Variants in NRG3 observed in about 807,000 individuals in gnomAD.
NRG3 encodes neuregulin 3.
A neutral mutation model predicts 66.9 loss-of-function variants in NRG3; 31 were observed. The observed-to-expected ratio is 0.46, with a 90% CI of 0.35 to 0.63. NRG3 has a LOEUF of 0.63. Ranked by LOEUF, NRG3 falls within the 20% of genes least tolerant of loss-of-function variation. The pLI is 0.00. For missense variants in NRG3, 910 were observed against 878.9 expected (o/e 1.04, Z -0.45); for synonymous variants, 393 against 359.4 (o/e 1.09, Z -1.06).
intron 2 of NRG3, among the ~76,000 whole-genome samples, chr10:82,616,251 AT>A (rs942152877): frequency 2.0e-5 from 3 of 152,036 alleles, no homozygotes; most frequent in African/African-American, 4.8e-5. Flanking sequence ...AATTAGATGT[AT>A]TTTTTTTCCA....
intron 1 of NRG3, among the ~76,000 whole-genome samples, chr10:81,976,117 G>T (rs189435593): frequency 2.6e-5 from 4 of 152,270 alleles, no homozygotes; most frequent in African/African-American, 9.6e-5. Context: ...TTACCACTAA[G>T]TTTATGTTAA....
At chr10:81,949,007 C>A (rs1183098251) in intron 1 of NRG3, among the ~76,000 whole-genome samples, 4 of 152,148 alleles carry the variant, frequency 2.6e-5, no homozygotes, top group Admixed American at 6.6e-5. Flanking sequence ...GGAGTATGGA[C>A]AACTTTACTT....
intron 1 of NRG3, among the ~76,000 whole-genome samples, chr10:82,336,185 A>G (rs2082376164): frequency 6.6e-6 from 1 of 152,090 alleles, no homozygotes; most frequent in East Asian, 1.9e-4. Flanking sequence ...GCAAAAGCTC[A>G]TTTTACTAGG....
chr10:82,810,667 G>A (rs140396735), intron 3 of NRG3, among the ~76,000 whole-genome samples: 1,612 of 150,920 alleles, frequency 0.011, 28 homozygotes, highest in African/African-American at 0.034. Flanking sequence ...GGAGGCGGAG[G>A]CAGGAGAATC....
chr10:81,965,716 T>C (rs1337410069), intron 1 of NRG3, among the ~76,000 whole-genome samples: 1 of 152,172 alleles, frequency 6.6e-6, no homozygotes, highest in Non-Finnish European at 1.5e-5. Flanking sequence ...TATAGTGTAA[T>C]GGAAAGTGTG....
At chr10:81,980,265 A>T (rs893602526) in intron 1 of NRG3, among the ~76,000 whole-genome samples, 1 of 151,490 alleles carries the variant, frequency 6.6e-6, no homozygotes, top group African/African-American at 2.4e-5. Flanking sequence ...GAACACTTGG[A>T]TCGGAGATTT....
intron 3 of NRG3, among the ~76,000 whole-genome samples, chr10:82,774,735 A>AT (rs771657614): frequency 1.1e-3 from 133 of 118,706 alleles, no homozygotes; most frequent in Non-Finnish European, 2.1e-3. Context: ...GGTTTTATTG[A>AT]TTTTTTTGTT....
intron 2 of NRG3, among the ~76,000 whole-genome samples, chr10:82,547,536 G>T (rs2044005106): frequency 6.7e-6 from 1 of 149,930 alleles, no homozygotes. Flanking sequence ...TATATGTATA[G>T]ACACACATAT....
At chr10:82,697,808 A>G (rs1165200606) in intron 2 of NRG3, among the ~76,000 whole-genome samples, 1 of 152,070 alleles carries the variant, frequency 6.6e-6, no homozygotes, top group African/African-American at 2.4e-5. Context: ...TCCAGACCTC[A>G]TTTCAGAAAG....
At chr10:82,957,385 C>T (rs946950150) in intron 5 of NRG3, among the ~76,000 whole-genome samples, 4 of 151,898 alleles carry the variant, frequency 2.6e-5, no homozygotes, top group East Asian at 3.9e-4. Context: ...TTGCTAAGAC[C>T]GGCCATGTGC....
chr10:82,820,479 A>G (rs2061902674), intron 3 of NRG3, among the ~76,000 whole-genome samples: 2 of 152,108 alleles, frequency 1.3e-5, no homozygotes, highest in South Asian at 4.1e-4. Context: ...TCTTATGTTT[A>G]TATCATCTGC....
At chr10:81,966,100 G>T (rs1258571494) in intron 1 of NRG3, among the ~76,000 whole-genome samples, 2 of 151,748 alleles carry the variant, frequency 1.3e-5, no homozygotes, top group South Asian at 2.1e-4. Flanking sequence ...ATAAGGAATT[G>T]AGTTTGAATT....
intron 2 of NRG3, among the ~76,000 whole-genome samples, chr10:82,553,490 A>G (rs1343199726): frequency 6.6e-6 from 1 of 152,138 alleles, no homozygotes; most frequent in Non-Finnish European, 1.5e-5. Flanking sequence ...TTTTATAAAT[A>G]GAAGGGTTTG....
intron 2 of NRG3, among the ~76,000 whole-genome samples, chr10:82,703,105 A>G (rs562897862): frequency 6.7e-6 from 1 of 149,908 alleles, no homozygotes; most frequent in African/African-American, 2.5e-5. Context: ...TCTTACTGGC[A>G]GTCTGAGTGG....
intron 3 of NRG3, among the ~76,000 whole-genome samples, chr10:82,758,665 G>C (rs1352885881): frequency 6.6e-6 from 1 of 151,928 alleles, no homozygotes; most frequent in Non-Finnish European, 1.5e-5. Context: ...TGAAGGTCTT[G>C]GTCAGTAGTC....
rs192687797 is a variant in NRG3, at chr10:82,428,312, T to C, written c.953+69444T>C. ...TTGAGATATTTCTTCTTTTTTAATATAGGCATTTGTGCCTATTAATACTTT... is the reference window on the plus strand; with the variant it reads ...TTGAGATATTTCTTCTTTTTTAATACAGGCATTTGTGCCTATTAATACTTT... On this transcript the variant is annotated intron_variant, in intron 2 of 8. Transcript: ENST00000372141. Among the ~76,000 whole-genome samples the C allele has an allele frequency of 3.7e-4, 57 of 152,104 alleles. 1 individual carries two copies. In the East Asian group the frequency reaches 0.011, roughly 29 times the overall value.
intron 2 of NRG3, among the ~76,000 whole-genome samples, chr10:82,436,110 T>C (rs900692037): frequency 6.6e-6 from 1 of 152,184 alleles, no homozygotes; most frequent in African/African-American, 2.4e-5. Flanking sequence ...TTCTGTCTCA[T>C]TGATCCATCT....
At chr10:82,547,429 A>G (rs1459930275) in intron 2 of NRG3, among the ~76,000 whole-genome samples, 1 of 150,918 alleles carries the variant, frequency 6.6e-6, no homozygotes, top group East Asian at 1.9e-4. Flanking sequence ...ATATGTGTGT[A>G]TATATATTCC....
intron 2 of NRG3, among the ~76,000 whole-genome samples, chr10:82,544,356 G>A (rs1419253074): frequency 6.6e-6 from 1 of 152,052 alleles, no homozygotes; most frequent in Non-Finnish European, 1.5e-5. Context: ...TCCCCTAAAA[G>A]TTTCAGGCTG....
Sources: allele counts gnomAD v4.1 joint callset (sites outside exome capture counted in the v4.1 genomes callset), GRCh38; gene constraint gnomAD v4.1.1; transcripts MANE v1.5; gene names NCBI Gene and HGNC (gene_info 2026-07-23, HGNC 2026-07-21).